Variants in FERMT3 observed in about 807,000 individuals in gnomAD.
FERMT3 encodes fermitin family homolog 3.
In FERMT3, 33 loss-of-function variants were observed where a neutral mutation model predicts 80.8. The observed-to-expected ratio is 0.41, with a 90% confidence interval of 0.31 to 0.55. The LOEUF (loss-of-function observed/expected upper bound fraction) is 0.55. Ranked by LOEUF, FERMT3 falls within the 20% of genes least tolerant of loss-of-function variation. The probability of loss-of-function intolerance (pLI) is 0.31; values close to 1 mark genes in which losing one functional copy is unlikely to be tolerated. For missense variants in FERMT3, 754 were observed against 908.7 expected, an observed-to-expected ratio of 0.83 and a Z score of 2.19; for synonymous variants, 375 against 372.2, an observed-to-expected ratio of 1.01 and a Z score of -0.09.
At chr11:64,222,489 C>T (rs1361925926) in intron 13 of FERMT3, among the ~76,000 whole-genome samples, 2 of 145,674 alleles carry the variant, frequency 1.4e-5, no homozygotes, top group African/African-American at 5.2e-5. Context: ...CACTTGAACC[C>T]GGGAGGCGGA....
At chr11:64,216,613 G>A (rs1439230588) in intron 6 of FERMT3, among the ~76,000 whole-genome samples, 2 of 149,990 alleles carry the variant, frequency 1.3e-5, no homozygotes, top group Non-Finnish European at 3.0e-5. Context: ...TGGCTAACAC[G>A]GTGAAACCCT....
Position 64,223,621 on chromosome 11 carries a change from C to A in FERMT3, c.*129C>A. The A allele has an allele frequency of 8.5e-7, 1 of 1,178,050 alleles. No homozygotes were observed. Among genetic ancestry groups the A allele is most frequent in the Non-Finnish European group, 1.2e-6 (1 of 825,110 alleles). The allele number at this position is 1,178,050 out of a possible 1,614,324, so 73.0% of individuals were successfully genotyped here. ...CAGCTGGGCATTTCACCTGCTGTCA[C>A]TGACTTTGTGCAGGCCAAGGACCTG... On this transcript the variant is annotated 3_prime_UTR_variant, in exon 15 of 15. Transcript: ENST00000345728.
In FERMT3 at chr11:64,223,300, G is replaced by C; in HGVS notation, c.1813-13G>C. On this transcript the variant is annotated splice_polypyrimidine_tract_variant and intron_variant, in intron 14 of 14. Coordinates refer to ENST00000345728, the MANE Select transcript of FERMT3 (RefSeq NM_031471.6). Reference sequence around the variant, plus strand: ...TATCCCACCCACCATTTGCCCCTCTGTCTGCCCTTCAGGTGGCCATCGAGT... The same window carrying C: ...TATCCCACCCACCATTTGCCCCTCTCTCTGCCCTTCAGGTGGCCATCGAGT... 6.2e-7 allele frequency: 1 copy of C among 1,613,788 alleles called. No individual in the cohort carries two copies. The highest frequency in any genetic ancestry group is 1.3e-5 in the African/African-American group (1 of 75,068).
chr11:64,207,724 C>A, intron 2 of FERMT3, 200 bp downstream of exon 2: 1 of 623,660 alleles, frequency 1.6e-6, no homozygotes, highest in Non-Finnish European at 2.7e-6. Flanking sequence ...TCCCTCCCTT[C>A]TGCTGCAGCT....
intron 13 of FERMT3, among the ~76,000 whole-genome samples, chr11:64,222,675 G>C (rs1274541978): frequency 6.6e-6 from 1 of 151,930 alleles, no homozygotes; most frequent in Non-Finnish European, 1.5e-5. Context: ...TCGCCGGTCC[G>C]CAAGACAGGG....
At chr11:64,223,213 G>A in intron 14 of FERMT3, 24 bp downstream of exon 14, 2 of 1,613,590 alleles carry the variant, frequency 1.2e-6, no homozygotes, top group Non-Finnish European at 1.7e-6. Flanking sequence ...CAGGGTATAT[G>A]GATGGGGGAC....
intron 6 of FERMT3, among the ~76,000 whole-genome samples, chr11:64,217,657 G>A (rs1042279257): frequency 1.3e-5 from 2 of 152,174 alleles, no homozygotes; most frequent in Non-Finnish European, 2.9e-5. Flanking sequence ...TCCAGAGAGT[G>A]AGTCCCAGCT....
chr11:64,219,229 G>C lies in FERMT3; in HGVS notation c.787-22G>C. 6.4e-7 allele frequency: 1 copy of C among 1,563,484 alleles called. No homozygotes were observed. The highest frequency in any genetic ancestry group is 8.7e-7 in the Non-Finnish European group (1 of 1,154,472). ...TGGCATCTGACCAGCCCAGCCTCCAGCCTCCTCTCCCCCCGCTCCAGACAG... is the reference window on the plus strand; with the variant it reads ...TGGCATCTGACCAGCCCAGCCTCCACCCTCCTCTCCCCCCGCTCCAGACAG... On this transcript the variant is annotated intron_variant, in intron 6 of 14. Transcript: ENST00000345728. The surrounding 1 kb of genome is among the most constrained non-coding windows in gnomAD (Gnocchi z 4.0).
chr11:64,206,606 C>G (rs546935328), upstream of FERMT3: 67 of 152,684 alleles, frequency 4.4e-4, no homozygotes, highest in Non-Finnish European at 6.3e-4. Flanking sequence ...GGTGGGGGGG[C>G]CCCTGGAACC....
At chr11:64,215,608 C>T (rs771912514) in intron 6 of FERMT3, among the ~76,000 whole-genome samples, 1 of 152,160 alleles carries the variant, frequency 6.6e-6, no homozygotes, top group African/African-American at 2.4e-5. Flanking sequence ...GGGTCTCGCT[C>T]TGTCACCCAG....
In FERMT3 at chr11:64,211,569, C is replaced by T; in HGVS notation, c.684-76C>T. 6.6e-7 allele frequency: 1 copy of T among 1,526,454 alleles called. No homozygotes were observed. The highest frequency in any genetic ancestry group is 8.9e-7 in the Non-Finnish European group (1 of 1,126,432). 94.6% of individuals were successfully genotyped at this position (1,526,454 alleles called of 1,614,324 possible). Reference sequence around the variant, plus strand: ...GGCCTTTTCTCTGTGTGTGCTTGTCCCCCCAGCCCAGCCCCCCTCCCCACC... The same window carrying T: ...GGCCTTTTCTCTGTGTGTGCTTGTCTCCCCAGCCCAGCCCCCCTCCCCACC... On this transcript the variant is annotated intron_variant, in intron 5 of 14. Transcript: ENST00000345728. The surrounding 1 kb of genome is among the most constrained non-coding windows in gnomAD (Gnocchi z 4.7).
In FERMT3 at chr11:64,211,592, AC is replaced by A. The variant is rs1946441081; in HGVS notation, c.684-49del. On this transcript the variant is annotated intron_variant, in intron 5 of 14. Transcript: ENST00000345728. The surrounding 1 kb of genome is among the most constrained non-coding windows in gnomAD (Gnocchi z 4.7). ...TCCCCCCAGCCCAGCCCCCCTCCCC[AC>A]CCCACGGCCGTACCTGGCGCAGCCC... The A allele has an allele frequency of 7.2e-6, 11 of 1,529,028 alleles. No individual in the cohort carries two copies. The highest frequency in any genetic ancestry group is 9.7e-6 in the Non-Finnish European group (11 of 1,129,292). 94.7% of individuals were successfully genotyped at this position (1,529,028 alleles called of 1,614,324 possible).
chr11:64,214,806 G>GTT (rs751133114), intron 6 of FERMT3, among the ~76,000 whole-genome samples: 2 of 140,340 alleles, frequency 1.4e-5, no homozygotes, highest in Non-Finnish European at 3.1e-5. Context: ...CTTTTATAGG[G>GTT]TTTTTTTTTT....
At chr11:64,218,846 T>G (rs940701309) in intron 6 of FERMT3, among the ~76,000 whole-genome samples, 1 of 152,206 alleles carries the variant, frequency 6.6e-6, no homozygotes, top group African/African-American at 2.4e-5. Flanking sequence ...CTTCCCCATG[T>G]TCCATTCTGT....
Position 64,223,643 on chromosome 11 carries a change from C to A in FERMT3, c.*151C>A. 1 of 993,642 alleles carries A rather than the reference C, an allele frequency of 1.0e-6. No individual in the cohort carries two copies. Among genetic ancestry groups the A allele is most frequent in the Non-Finnish European group, 1.5e-6 (1 of 663,086 alleles). 61.6% of individuals were successfully genotyped at this position (993,642 alleles called of 1,614,324 possible). A position where few individuals can be genotyped will look rare whatever the true frequency, so the allele number is the denominator to read the frequency against. ...TCACTGACTTTGTGCAGGCCAAGGA[C>A]CTGGCAGGGCCAGACGCTGTACCAT... On this transcript the variant is annotated 3_prime_UTR_variant, in exon 15 of 15. Coordinates refer to ENST00000345728, the MANE Select transcript of FERMT3 (RefSeq NM_031471.6).
At chr11:64,222,670 G>T (rs556771563) in intron 13 of FERMT3, among the ~76,000 whole-genome samples, 2 of 152,084 alleles carry the variant, frequency 1.3e-5, no homozygotes, top group African/African-American at 4.8e-5. Flanking sequence ...TGGGTTCGCC[G>T]GTCCGCAAGA....
Position 64,219,885 on chromosome 11 carries a change from A to T in FERMT3, c.1080-6A>T. 1.2e-6 allele frequency: 2 copies of T among 1,613,924 alleles called. No individual in the cohort carries two copies. Among genetic ancestry groups the T allele is most frequent in the Non-Finnish European group, 1.7e-6 (2 of 1,180,000 alleles). ...GGCCTTTCACAAACCCCAGCATCCC[A>T]CGAAGGCCCCGGAAGCTGACCCTGA... is the stretch of plus-strand genomic sequence containing the variant. On this transcript the variant is annotated splice_region_variant and splice_polypyrimidine_tract_variant and intron_variant, in intron 9 of 14. Transcript: ENST00000345728. This position sits in a 1 kb window ranked among gnomAD's most constrained non-coding sequence, Gnocchi z 4.0.
chr11:64,217,107 CTT>C (rs1946569058), intron 6 of FERMT3, among the ~76,000 whole-genome samples: 1 of 152,174 alleles, frequency 6.6e-6, no homozygotes, highest in Admixed American at 6.5e-5. Context: ...GGCTGCCACT[CTT>C]TGTCGGGCAT....
At chr11:64,217,223 G>A (rs1430751948) in intron 6 of FERMT3, among the ~76,000 whole-genome samples, 1 of 152,176 alleles carries the variant, frequency 6.6e-6, no homozygotes, top group Non-Finnish European at 1.5e-5. Flanking sequence ...AAGGGTGTGG[G>A]TGTGTCACTC....
Sources: allele counts gnomAD v4.1 joint callset (sites outside exome capture counted in the v4.1 genomes callset), GRCh38; gene constraint gnomAD v4.1.1; non-coding constraint Gnocchi (gnomAD v3.1); transcripts MANE v1.5; gene names NCBI Gene and HGNC (gene_info 2026-07-23, HGNC 2026-07-21).